SRGAP3: variants seen among roughly 807,000 people sequenced by gnomAD.
SRGAP3 encodes the protein SLIT-ROBO Rho GTPase-activating protein 3.
SRGAP3 carries 39 observed loss-of-function variants against 121.1 expected under a neutral mutation model. That is an observed-to-expected ratio of 0.32 (90% CI 0.25 to 0.42). The LOEUF (loss-of-function observed/expected upper bound fraction) is 0.42. SRGAP3 is among the 10% of genes least tolerant of loss of function. SRGAP3 has a pLI of 1.00. For synonymous variants in SRGAP3, 601 were observed against 570.0 expected (o/e 1.05, Z -0.77); for missense variants, 1,213 against 1,470.6 (o/e 0.82, Z 2.86).
chr3:8,997,383 C>T (rs1942467331), intron 18 of SRGAP3, among the ~76,000 whole-genome samples: 1 of 152,208 alleles, frequency 6.6e-6, no homozygotes, highest in Non-Finnish European at 1.5e-5. Flanking sequence ...CTCTTCACTT[C>T]CATACTTGCT....
intron 18 of SRGAP3, chr3:9,007,359 T>C (rs998679306): frequency 6.6e-6 from 1 of 152,224 alleles, no homozygotes. Context: ...GATTCATGCA[T>C]GGCAAAGACC....
At chr3:9,333,202 G>A (rs759538008) in intron 1 of SRGAP3, among the ~76,000 whole-genome samples, 4 of 152,106 alleles carry the variant, frequency 2.6e-5, no homozygotes, top group African/African-American at 4.8e-5. Flanking sequence ...CAGACTCACT[G>A]GTATAAAGCT....
intron 3 of SRGAP3, among the ~76,000 whole-genome samples, chr3:9,305,046 G>A (rs1040767349): frequency 6.6e-6 from 1 of 152,164 alleles, no homozygotes; most frequent in East Asian, 1.9e-4. Flanking sequence ...TGTCAGGTTG[G>A]GCCTTCCAGG....
chr3:9,162,519 T>C (rs1297924286), intron 1 of SRGAP3, among the ~76,000 whole-genome samples: 2 of 152,148 alleles, frequency 1.3e-5, no homozygotes, highest in Non-Finnish European at 2.9e-5. Flanking sequence ...GCCAACAATT[T>C]TGAATCCTGA....
intron 1 of SRGAP3, among the ~76,000 whole-genome samples, chr3:9,153,285 C>T (rs1007300117): frequency 3.9e-5 from 6 of 152,174 alleles, no homozygotes. Flanking sequence ...GTAACATTTA[C>T]TGAGCAAATA....
At chr3:9,013,206 C>T in intron 17 of SRGAP3, 102 bp downstream of exon 17, 1 of 1,156,936 alleles carries the variant, frequency 8.6e-7, no homozygotes, top group Non-Finnish European at 1.3e-6. Context: ...TATGGAAGCA[C>T]CGACTATCAA....
At chr3:9,141,759 C>G (rs1949860556) in intron 1 of SRGAP3, among the ~76,000 whole-genome samples, 2 of 152,044 alleles carry the variant, frequency 1.3e-5, no homozygotes, top group Non-Finnish European at 1.5e-5. Flanking sequence ...ATCAAGCAAC[C>G]CCTTTCGGTC....
At chr3:9,113,191 G>T (rs1372018143) in intron 2 of SRGAP3, among the ~76,000 whole-genome samples, 1 of 152,190 alleles carries the variant, frequency 6.6e-6, no homozygotes, top group Middle Eastern at 3.2e-3. Flanking sequence ...CCATAGAGTG[G>T]CTCAGACAAC....
chr3:8,985,205 G>A lies in SRGAP3; in HGVS notation c.*314C>T. 2.1e-6 allele frequency: 1 copy of A among 470,514 alleles called. No individual in the cohort carries two copies. The highest frequency in any genetic ancestry group is 3.9e-6 in the Non-Finnish European group (1 of 259,572). The allele number at this position is 470,514 out of a possible 1,614,324, so 29.1% of individuals were successfully genotyped here. A position where few individuals can be genotyped will look rare whatever the true frequency, so the allele number is the denominator to read the frequency against. On this transcript the variant is annotated 3_prime_UTR_variant, in exon 22 of 22. Coordinates refer to ENST00000383836, the MANE Select transcript of SRGAP3 (RefSeq NM_014850.4). This position sits in a 1 kb window ranked among gnomAD's most constrained non-coding sequence, Gnocchi z 5.1. ...GTATGTAGAGAGAATGTCGAGAGAG[G>A]AAGTTTCCAGTGACGATATGCGGGA...
At chr3:9,046,502 G>A (rs1945285873) in intron 10 of SRGAP3, among the ~76,000 whole-genome samples, 1 of 152,228 alleles carries the variant, frequency 6.6e-6, no homozygotes, top group Admixed American at 6.5e-5. Context: ...CAGAAGCTAA[G>A]TGGTATAAGG....
chr3:9,258,869 C>T (rs577573347), intron 3 of SRGAP3, among the ~76,000 whole-genome samples: 42 of 152,298 alleles, frequency 2.8e-4, no homozygotes, highest in African/African-American at 5.3e-4. Flanking sequence ...CTCCTATTTG[C>T]GATCAACCCT....
chr3:9,125,075 A>G, intron 1 of SRGAP3, 158 bp from the exon 2 acceptor site: 1 of 798,010 alleles, frequency 1.3e-6, no homozygotes, highest in East Asian at 2.7e-5. Context: ...CTTGCTTGGC[A>G]GAGCATTGGC....
chr3:9,109,569 G>C lies in SRGAP3; in HGVS notation c.261-4727C>G, dbSNP rs777384902. 6.6e-6 allele frequency among the ~76,000 whole-genome samples: 1 copy of C among 152,150 alleles called. No individual in the cohort carries two copies. Among genetic ancestry groups the C allele is most frequent in the Admixed American group, 6.5e-5 (1 of 15,282 alleles). On this transcript the variant is annotated intron_variant, in intron 2 of 21. Coordinates refer to ENST00000383836, the MANE Select transcript of SRGAP3 (RefSeq NM_014850.4). The surrounding 1 kb of genome is among the most constrained non-coding windows in gnomAD (Gnocchi z 4.4). ...TGTGCTGGGCAGGACTAGGTGCTGC[G>C]AGTGCAGGAGCAACCAAGGCTGCAA...
At chr3:9,054,013 GTCACC>G (rs1427346466) in intron 8 of SRGAP3, among the ~76,000 whole-genome samples, 1 of 152,152 alleles carries the variant, frequency 6.6e-6, no homozygotes, top group Admixed American at 6.5e-5. Context: ...CAGCTTAAAT[GTCACC>G]TCCTGGTGAC....
chr3:9,094,970 C>T (rs947418479), intron 3 of SRGAP3, among the ~76,000 whole-genome samples: 4 of 151,944 alleles, frequency 2.6e-5, no homozygotes, highest in African/African-American at 9.7e-5. Context: ...CTATATTGCC[C>T]AGGCTTGTCT....
chr3:9,029,051 A>G (rs1944348825), intron 12 of SRGAP3, among the ~76,000 whole-genome samples: 2 of 152,164 alleles, frequency 1.3e-5, no homozygotes, highest in African/African-American at 4.8e-5. Context: ...TCATCTGTCC[A>G]GTTCTCAGCA....
intron 12 of SRGAP3, among the ~76,000 whole-genome samples, chr3:9,027,219 CTCT>C (rs1446384438): frequency 6.6e-6 from 1 of 152,220 alleles, no homozygotes; most frequent in Admixed American, 6.5e-5. Flanking sequence ...TAAAGAAATG[CTCT>C]TCTTCTTACC....
intron 1 of SRGAP3, among the ~76,000 whole-genome samples, chr3:9,204,904 G>A (rs375646165): frequency 4.6e-5 from 7 of 152,360 alleles, no homozygotes; most frequent in East Asian, 1.9e-4. Context: ...AGAACTGCAC[G>A]TTAAAGGCTG....
At chr3:9,278,520 G>A (rs1402735767) in intron 3 of SRGAP3, among the ~76,000 whole-genome samples, 1 of 152,228 alleles carries the variant, frequency 6.6e-6, no homozygotes, top group East Asian at 1.9e-4. Context: ...TAACAGCCCT[G>A]TGCTGGAAGC....
Sources: allele counts gnomAD v4.1 joint callset (sites outside exome capture counted in the v4.1 genomes callset), GRCh38; gene constraint gnomAD v4.1.1; non-coding constraint Gnocchi (gnomAD v3.1); transcripts MANE v1.5; gene names NCBI Gene and HGNC (gene_info 2026-07-23, HGNC 2026-07-21).